MAGI1: variants seen among roughly 807,000 people sequenced by gnomAD.
The protein encoded by MAGI1 is membrane associated guanylate kinase, WW and PDZ domain containing 1.
In MAGI1, 58 loss-of-function variants were observed where a neutral mutation model predicts 139.9. That is an observed-to-expected ratio of 0.41 (90% CI 0.34 to 0.52). MAGI1 has a LOEUF of 0.52. Among genes scored for constraint, MAGI1 ranks in the 20% least tolerant of loss-of-function variants. MAGI1 has a pLI of 0.12. For missense variants in MAGI1, 1,874 were observed against 1,901.6 expected (o/e 0.99, Z 0.27); for synonymous variants, 812 against 737.9 (o/e 1.10, Z -1.63).
chr3:65,774,811 G>A lies in MAGI1; in HGVS notation c.314-152723C>T, dbSNP rs941833433. Among the ~76,000 whole-genome samples the A allele has an allele frequency of 4.6e-5, 7 of 152,114 alleles. No homozygotes were observed. The East Asian group carries it at 9.6e-4, about 21-fold the overall frequency. On this transcript the variant is annotated intron_variant, in intron 1 of 22. Transcript: ENST00000402939. ...GGCCTATGTTCTGTGCCTAACAAGG[G>A]GTTCTAAGATACACTAACTCGCCTT...
At chr3:65,545,699 C>G (rs1257462236) in intron 2 of MAGI1, among the ~76,000 whole-genome samples, 1 of 151,974 alleles carries the variant, frequency 6.6e-6, no homozygotes, top group Non-Finnish European at 1.5e-5. Context: ...TCTCGAGAGG[C>G]CTCCCTCATG....
intron 3 of MAGI1, among the ~76,000 whole-genome samples, chr3:65,488,202 C>T (rs1333012053): frequency 6.6e-6 from 1 of 152,204 alleles, no homozygotes; most frequent in Non-Finnish European, 1.5e-5. Context: ...ACACCATCTC[C>T]CAGCCTCTCA....
intron 1 of MAGI1, among the ~76,000 whole-genome samples, chr3:65,758,145 T>C (rs922988144): frequency 1.3e-5 from 2 of 152,076 alleles, no homozygotes; most frequent in African/African-American, 2.4e-5. Flanking sequence ...GAGATAAATC[T>C]CCCAGTCCTA....
At chr3:65,662,926 T>C (rs2086281102) in intron 1 of MAGI1, among the ~76,000 whole-genome samples, 2 of 152,296 alleles carry the variant, frequency 1.3e-5, no homozygotes, top group Non-Finnish European at 2.9e-5. Context: ...TCCTAACCAA[T>C]GTTTCTGTCC....
chr3:65,732,273 C>T (rs1345375202), intron 1 of MAGI1, among the ~76,000 whole-genome samples: 4 of 152,160 alleles, frequency 2.6e-5, no homozygotes, highest in African/African-American at 4.8e-5. Flanking sequence ...CCAGATTTGG[C>T]TACTCTCATT....
At chr3:65,676,180 G>A (rs2087178344) in intron 1 of MAGI1, among the ~76,000 whole-genome samples, 1 of 152,116 alleles carries the variant, frequency 6.6e-6, no homozygotes, top group Non-Finnish European at 1.5e-5. Context: ...AAATTATGGT[G>A]TTTCTCTATA....
At chr3:65,722,937 T>C (rs1438052610) in intron 1 of MAGI1, among the ~76,000 whole-genome samples, 1 of 151,800 alleles carries the variant, frequency 6.6e-6, no homozygotes. Context: ...TACCTTTGAT[T>C]TTTATAGATA....
chr3:65,796,831 A>G (rs1271498630), intron 1 of MAGI1, among the ~76,000 whole-genome samples: 1 of 152,208 alleles, frequency 6.6e-6, no homozygotes, highest in Non-Finnish European at 1.5e-5. Context: ...TGTACTATAC[A>G]TGACAAATGG....
At chr3:65,638,987 G>A (rs1304850368) in intron 1 of MAGI1, among the ~76,000 whole-genome samples, 2 of 152,090 alleles carry the variant, frequency 1.3e-5, no homozygotes, top group African/African-American at 2.4e-5. Flanking sequence ...GAGCTCAAGC[G>A]ATTCTCCCGC....
At chr3:65,668,635 C>T (rs2086673219) in intron 1 of MAGI1, among the ~76,000 whole-genome samples, 1 of 130,906 alleles carries the variant, frequency 7.6e-6, no homozygotes. Flanking sequence ...GGTGCAATCT[C>T]AGCTCACTGC....
intron 1 of MAGI1, among the ~76,000 whole-genome samples, chr3:65,916,923 G>C (rs9845604): frequency 2.6e-5 from 4 of 151,834 alleles, no homozygotes; most frequent in Admixed American, 6.6e-5. Flanking sequence ...TTAAAATCTT[G>C]GATAATCATA....
At chr3:65,925,800 C>A (rs2062471614) in intron 1 of MAGI1, among the ~76,000 whole-genome samples, 1 of 152,194 alleles carries the variant, frequency 6.6e-6, no homozygotes, top group African/African-American at 2.4e-5. Context: ...TCACCTCAGC[C>A]TCCTGAGTAG....
At chr3:65,937,114 G>C (rs1455597110) in intron 1 of MAGI1, among the ~76,000 whole-genome samples, 1 of 152,152 alleles carries the variant, frequency 6.6e-6, no homozygotes, top group African/African-American at 2.4e-5. Context: ...CACTGTCCCA[G>C]GAAGAGAATC....
At chr3:65,375,133 A>G (rs1001564637) in intron 18 of MAGI1, among the ~76,000 whole-genome samples, 1 of 152,126 alleles carries the variant, frequency 6.6e-6, no homozygotes, top group African/African-American at 2.4e-5. Context: ...AGTGTTGAAG[A>G]CAAGGACACA....
intron 18 of MAGI1, among the ~76,000 whole-genome samples, chr3:65,374,381 A>T (rs1942298868): frequency 7.4e-6 from 1 of 135,676 alleles, no homozygotes; most frequent in Admixed American, 8.5e-5. Context: ...GCAGTGGCGC[A>T]ATCTCGGCTC....
intron 1 of MAGI1, among the ~76,000 whole-genome samples, chr3:65,889,417 A>G (rs183902670): frequency 2.0e-5 from 3 of 152,312 alleles, no homozygotes; most frequent in Admixed American, 6.5e-5. Context: ...GACACACTCA[A>G]CATTTTCAGT....
intron 2 of MAGI1, among the ~76,000 whole-genome samples, chr3:65,567,512 A>G (rs1240493210): frequency 6.6e-6 from 1 of 152,200 alleles, no homozygotes; most frequent in Non-Finnish European, 1.5e-5. Flanking sequence ...TGTATCCCAA[A>G]TCATTTCATC....
chr3:65,583,924 A>G (rs1209768439), intron 2 of MAGI1, among the ~76,000 whole-genome samples: 1 of 152,112 alleles, frequency 6.6e-6, no homozygotes, highest in Non-Finnish European at 1.5e-5. Flanking sequence ...GGTGAAACAG[A>G]TCACAAGAAT....
intron 1 of MAGI1, among the ~76,000 whole-genome samples, chr3:65,892,289 G>A (rs921636618): frequency 2.0e-5 from 3 of 152,088 alleles, no homozygotes; most frequent in African/African-American, 7.2e-5. Context: ...TAAGCTTCAA[G>A]AGGAAAGGTT....
Sources: gnomAD v4.1 joint callset for allele counts (sites outside exome capture counted in the v4.1 genomes callset) on GRCh38, gnomAD v4.1.1 for gene constraint, MANE v1.5 for transcripts, NCBI Gene and HGNC (gene_info 2026-07-23, HGNC 2026-07-21) for gene names.